The following KLF13 variants were observed in gnomAD, a reference collection of about 807,000 sequenced individuals.
The protein encoded by KLF13 is Krueppel-like factor 13.
KLF13 carries 8 observed loss-of-function variants against 16.7 expected under a neutral mutation model. That is an observed-to-expected ratio of 0.48 (90% confidence interval 0.28 to 0.87). The LOEUF (loss-of-function observed/expected upper bound fraction) is 0.87, where lower values mean the gene tolerates loss of function less well. Ranked by LOEUF, KLF13 falls within the 40% of genes least tolerant of loss-of-function variation. The pLI is 0.10. For synonymous variants in KLF13, 245 were observed against 208.4 expected, an observed-to-expected ratio of 1.18 and a Z score of -1.51; for missense variants, 447 against 452.2, an observed-to-expected ratio of 0.99 and a Z score of 0.10.
At chr15:31,342,792 T>C (rs1219637609) in intron 1 of KLF13, among the ~76,000 whole-genome samples, 1 of 152,248 alleles carries the variant, frequency 6.6e-6, no homozygotes, top group East Asian at 1.9e-4. Context: ...TGAGGCCTTC[T>C]TGAGGCTGGC....
intron 1 of KLF13, among the ~76,000 whole-genome samples, chr15:31,359,327 A>T (rs1410196988): frequency 6.6e-6 from 1 of 152,180 alleles, no homozygotes; most frequent in African/African-American, 2.4e-5. Context: ...GAAATTTTCA[A>T]GTGTGTTTTG....
Position 31,338,330 on chromosome 15 carries a change from A to G in KLF13, c.577+10541A>G, listed in dbSNP as rs143414068. Among the ~76,000 whole-genome samples the G allele has an allele frequency of 5.2e-4, 79 of 152,266 alleles. 1 individual carries two copies. In the Middle Eastern group the frequency reaches 0.014, roughly 26 times the overall value. Reference sequence around the variant, plus strand: ...CACGTGTATGTGTATGTGTGTGTGTATATATGCCCGTATTTGCAGCATGTG... The same window carrying G: ...CACGTGTATGTGTATGTGTGTGTGTGTATATGCCCGTATTTGCAGCATGTG... On this transcript the variant is annotated intron_variant, in intron 1 of 1. Coordinates refer to ENST00000307145, the MANE Select transcript of KLF13 (RefSeq NM_015995.4).
chr15:31,404,921 A>G (rs2040098961), downstream of KLF13, among the ~76,000 whole-genome samples: 1 of 152,146 alleles, frequency 6.6e-6, no homozygotes, highest in African/African-American at 2.4e-5. Context: ...ATGGATGGAG[A>G]GAACAGTGGG....
intron 1 of KLF13, among the ~76,000 whole-genome samples, chr15:31,360,769 A>G (rs1299321912): frequency 6.6e-6 from 1 of 152,206 alleles, no homozygotes; most frequent in Non-Finnish European, 1.5e-5. Context: ...CCGTCGTCCA[A>G]ATTACAAGCT....
chr15:31,404,670 C>T (rs1315593064), exon 3 of KLF13: 1 of 152,210 alleles, frequency 6.6e-6, no homozygotes, highest in Non-Finnish European at 1.5e-5. Context: ...CCACTGGGTC[C>T]CCATCCCTGT....
At chr15:31,410,948 T>C (rs1471500601) in intron 1 of KLF13, among the ~76,000 whole-genome samples, 1 of 152,198 alleles carries the variant, frequency 6.6e-6, no homozygotes, top group African/African-American at 2.4e-5. Context: ...ATCAATTCCT[T>C]AAAAGATATG....
chr15:31,330,572 C>T (rs1345262936), intron 1 of KLF13, among the ~76,000 whole-genome samples: 2 of 152,186 alleles, frequency 1.3e-5, no homozygotes, highest in Non-Finnish European at 2.9e-5. Context: ...AGCCTTGACT[C>T]TGGAGGCACT....
rs369295747 is a variant in KLF13 at position 31,431,062 on chromosome 15, A to G, written n.118-4308A>G. 1.5e-4 allele frequency among the ~76,000 whole-genome samples: 23 copies of G among 152,328 alleles called. 2 individuals are homozygous for G. The highest frequency in any genetic ancestry group is 9.1e-4 in the Admixed American group (14 of 15,308). On this transcript the variant is annotated intron_variant and non_coding_transcript_variant, in intron 1 of 1. Coordinates refer to the KLF13 transcript ENST00000558225. ...TATTTGGAGATGGGGCATGCAGCAG[A>G]TGATTAGGTCATACGGGTGGACCTC...
downstream of KLF13, among the ~76,000 whole-genome samples, chr15:31,405,983 G>T (rs2040123954): frequency 6.6e-6 from 1 of 152,122 alleles, no homozygotes; most frequent in South Asian, 2.1e-4. Flanking sequence ...CACAAAACAA[G>T]AACAGGAAAC....
In KLF13 at chr15:31,377,817, AAT is replaced by A. The variant is rs2039674523; in HGVS notation, c.*5519_*5520del. On this transcript the variant is annotated 3_prime_UTR_variant, in exon 2 of 2. Transcript: ENST00000307145. ...CCTATGCAAAAAGAAAAATTAACGA[AAT>A]TGTAAATTTTATTGTTTTAACGTGT... is the stretch of plus-strand genomic sequence containing the variant. The A allele has an allele frequency of 6.6e-6, 1 of 152,636 alleles. No individual in the cohort carries two copies. Among genetic ancestry groups the A allele is most frequent in the African/African-American group, 2.4e-5 (1 of 41,442 alleles). 9.5% of individuals were successfully genotyped at this position (152,636 alleles called of 1,614,324 possible).
intron 1 of KLF13, among the ~76,000 whole-genome samples, chr15:31,417,001 G>C (rs1169464472): frequency 6.6e-6 from 1 of 152,132 alleles, no homozygotes; most frequent in Non-Finnish European, 1.5e-5. Context: ...GCAATGTTAT[G>C]AGTAATTATC....
intron 2 of KLF13, among the ~76,000 whole-genome samples, chr15:31,397,467 A>C (rs1047339435): frequency 2.0e-5 from 3 of 152,238 alleles, no homozygotes; most frequent in African/African-American, 7.2e-5. Context: ...CAAGAGGTCC[A>C]GACGCCTCGG....
intron 1 of KLF13, among the ~76,000 whole-genome samples, chr15:31,414,690 A>G (rs1382438146): frequency 6.6e-6 from 1 of 152,234 alleles, no homozygotes; most frequent in African/African-American, 2.4e-5. Context: ...ATAAATATAT[A>G]TTCAGCTAAT....
intron 1 of KLF13, among the ~76,000 whole-genome samples, chr15:31,344,212 G>A (rs2039076214): frequency 6.6e-6 from 1 of 152,190 alleles, no homozygotes. Context: ...ACCCATCTCT[G>A]TGCAGATGCA....
chr15:31,331,512 C>T (rs920471352), intron 1 of KLF13, among the ~76,000 whole-genome samples: 2 of 145,050 alleles, frequency 1.4e-5, no homozygotes, highest in Non-Finnish European at 3.2e-5. Context: ...CCTGCAGGTC[C>T]TCCCTGATGC....
intron 1 of KLF13, among the ~76,000 whole-genome samples, chr15:31,386,899 T>G (rs1399076647): frequency 2.0e-5 from 3 of 152,246 alleles, no homozygotes; most frequent in African/African-American, 7.2e-5. Context: ...ACAGCACGTC[T>G]ATTTACAGCA....
At chr15:31,411,400 CT>C (rs140755995) in intron 1 of KLF13, among the ~76,000 whole-genome samples, 143 of 138,058 alleles carry the variant, frequency 1.0e-3, no homozygotes, top group Non-Finnish European at 1.2e-3. Flanking sequence ...TTTTTTTTTT[CT>C]TTTTTTTTTT....
chr15:31,343,556 T>G (rs2039064361), intron 1 of KLF13, among the ~76,000 whole-genome samples: 1 of 152,236 alleles, frequency 6.6e-6, no homozygotes, highest in Admixed American at 6.5e-5. Context: ...TGGGTGCTGA[T>G]GGGCCCTGGC....
At chr15:31,328,096 C>T (rs903230965) in intron 1 of KLF13, among the ~76,000 whole-genome samples, 24 of 149,418 alleles carry the variant, frequency 1.6e-4, no homozygotes, top group African/African-American at 5.4e-4. Context: ...GCGGGGACCC[C>T]TCCCGGCCGG....
Sources: gnomAD v4.1 joint callset for allele counts (sites outside exome capture counted in the v4.1 genomes callset) on GRCh38, gnomAD v4.1.1 for gene constraint, MANE v1.5 for transcripts, NCBI Gene and HGNC (gene_info 2026-07-23, HGNC 2026-07-21) for gene names.